The following SART3 variants were observed in gnomAD, a reference collection of about 807,000 sequenced individuals.
SART3 encodes the protein HIV-1 Tat-interacting protein of 110kDa.
In SART3, 44 loss-of-function variants were observed where a neutral mutation model predicts 122.3. That is an observed-to-expected ratio of 0.36 (90% CI 0.28 to 0.46). SART3 has a LOEUF of 0.46. Among genes scored for constraint, SART3 ranks in the 20% least tolerant of loss-of-function variants. The pLI is 1.00. For missense variants in SART3, 1,101 were observed against 1,229.0 expected, an observed-to-expected ratio of 0.90 and a Z score of 1.56; for synonymous variants, 442 against 454.0, an observed-to-expected ratio of 0.97 and a Z score of 0.34.
chr12:108,558,414 G>T (rs1451731802), intron 1 of SART3, among the ~76,000 whole-genome samples: 1 of 152,148 alleles, frequency 6.6e-6, no homozygotes, highest in East Asian at 1.9e-4. Context: ...CACTTGCCAG[G>T]TCCTATCCTG....
intron 15 of SART3, among the ~76,000 whole-genome samples, chr12:108,529,045 C>T (rs1872528202): frequency 6.6e-6 from 1 of 152,134 alleles, no homozygotes; most frequent in Non-Finnish European, 1.5e-5. Flanking sequence ...ATCACTTGAA[C>T]CCGGGAAGCG....
rs765356966 is a variant in SART3 at position 108,547,876 on chromosome 12, C to T, written c.544+11G>A. ...TTGCCAGATATCCAAAAAAAGTCCA[C>T]GGGAACTTACAAATGTAATCCTTCA... On this transcript the variant is annotated intron_variant, in intron 3 of 18. Coordinates refer to ENST00000546815, the MANE Select transcript of SART3 (RefSeq NM_014706.4). 5.2e-5 allele frequency: 84 copies of T among 1,604,904 alleles called. No individual in the cohort carries two copies. The highest frequency in any genetic ancestry group is 6.7e-5 in the Non-Finnish European group (78 of 1,172,622).
intron 8 of SART3, 145 bp downstream of exon 8, chr12:108,537,920 A>G: frequency 1.1e-6 from 1 of 933,352 alleles, no homozygotes; most frequent in South Asian, 1.4e-5. Context: ...TAACCAGTTC[A>G]TCTCTCACTC....
chr12:108,543,333 C>T (rs1248023261), intron 5 of SART3, among the ~76,000 whole-genome samples, 181 bp from the exon 6 acceptor site: 1 of 152,226 alleles, frequency 6.6e-6, no homozygotes, highest in Non-Finnish European at 1.5e-5. Flanking sequence ...TGTCTTAAAA[C>T]AATGTCCCAG....
chr12:108,557,206 G>GTTTTTTTTTTTTTT (rs71076787), intron 1 of SART3, among the ~76,000 whole-genome samples: 1 of 82,930 alleles, frequency 1.2e-5, no homozygotes, highest in African/African-American at 5.4e-5. Context: ...TAATGACATA[G>GTTTTTTTTTTTTTT]TTTTTTTTTT....
rs1273092906 is a variant in SART3, at chr12:108,560,937, G to A, written c.218C>T (p.Ala73Val). 3 of 1,613,938 alleles carry A rather than the reference G, an allele frequency of 1.9e-6. No individual in the cohort carries two copies. The highest frequency in any genetic ancestry group is 1.3e-5 in the African/African-American group (1 of 75,036). Reference sequence around the variant, plus strand: ...CCCGGGGGAGCTCTCCGCGGAGGAAGCCATGGCGTACTCATCCCCATCGCT... The same window carrying A: ...CCCGGGGGAGCTCTCCGCGGAGGAAACCATGGCGTACTCATCCCCATCGCT... ...SESDGDEYAMASSAESSPGEY... is the reference protein window; with the variant it reads ...SESDGDEYAMVSSAESSPGEY... The change falls in exon 1 of 19, where the codon GCT becomes GTT. Residue 73 changes from alanine (A) to valine (V), a missense_variant. Transcript: ENST00000546815.
At chr12:108,556,935 A>G (rs2030243478) in intron 1 of SART3, among the ~76,000 whole-genome samples, 1 of 152,262 alleles carries the variant, frequency 6.6e-6, no homozygotes, top group Non-Finnish European at 1.5e-5. Context: ...TGCCCCTCAC[A>G]TGAACACCAT....
intron 2 of SART3, 63 bp from the exon 3 acceptor site, chr12:108,548,054 C>A: frequency 7.4e-7 from 1 of 1,344,100 alleles, no homozygotes; most frequent in Non-Finnish European, 1.1e-6. Context: ...GGGACTTTAC[C>A]AAGAGACATC....
In SART3 at chr12:108,545,696, G is replaced by A. The variant is rs372279470; in HGVS notation, c.545-373C>T. 1.1e-4 allele frequency among the ~76,000 whole-genome samples: 16 copies of A among 152,248 alleles called. No homozygotes were observed. In the East Asian group the frequency reaches 2.7e-3, roughly 26 times the overall value. On this transcript the variant is annotated intron_variant, in intron 3 of 18. Coordinates refer to ENST00000546815, the MANE Select transcript of SART3 (RefSeq NM_014706.4). The stretch of plus-strand genomic sequence containing the variant: ...TTTAAAAACACATTTGGCCAGGTGC[G>A]GTGGCTCACGCCTGTAATCCCAGCA...
chr12:108,524,337 A>C lies in SART3; in HGVS notation c.2693T>G (p.Leu898Arg). 1 of 1,614,118 alleles carries C rather than the reference A, an allele frequency of 6.2e-7. No homozygotes were observed. The highest frequency in any genetic ancestry group is 1.3e-5 in the African/African-American group (1 of 75,056). Residue 898 changes from leucine to arginine, a missense_variant, in exon 18 of 19, where the codon CTT becomes CGT. Physicochemically the swap from Leu to Arg is moderately radical, Grantham distance 102. This residue lies in a region of SART3 where 885 missense variants were observed against 1,080.1 expected (regional missense o/e 0.82). Transcript: ENST00000546815. ...ETRKAPGGPMLLPQTYGARGK... is the reference protein window; with the variant it reads ...ETRKAPGGPMRLPQTYGARGK... ...TTACGCTCCGTATGTCTGCGGCAAA[A>C]GCATGGGGCCACCTGGTGCCTTCCT...
At position 108,545,316 on chromosome 12, in the gene SART3, G is replaced by A; in HGVS notation, c.552C>T (p.Asn184=). 2 of 1,614,098 alleles carry A rather than the reference G, an allele frequency of 1.2e-6. No homozygotes were observed. The highest frequency in any genetic ancestry group is 1.7e-6 in the Non-Finnish European group (2 of 1,179,974). The change falls in exon 4 of 19, where the codon AAC becomes AAT. Residue 184 remains asparagine (N), a synonymous_variant. Transcript: ENST00000546815. ...EKAVKDYICP[N]IWLEYGQYSV... ...AGTACTGGCCATACTCTAGCCAAAT[G>A]TTAGGACCTAAAAATAAGAAGTGTT... is the stretch of plus-strand genomic sequence containing the variant.
chr12:108,544,172 G>A (rs1009153581), intron 5 of SART3, among the ~76,000 whole-genome samples: 9 of 152,188 alleles, frequency 5.9e-5, no homozygotes, highest in Admixed American at 4.6e-4. Context: ...AGGTCTCAAA[G>A]GAGAAAAGAG....
Position 108,523,523 on chromosome 12 carries a change from G to A in SART3, c.2826C>T (p.Ala942=). 1 of 1,613,466 alleles carries A rather than the reference G, an allele frequency of 6.2e-7. No individual in the cohort carries two copies. The highest frequency in any genetic ancestry group is 1.8e-4 in the Middle Eastern group (1 of 5,660). ...NGPAAAPAVA[A]PAATEAPKMS... ...TCTTGGGTGCCTCGGTGGCTGCTGG[G>A]GCGGCAACTGCAGGAGCCGCGGCAG... The change falls in exon 19 of 19, where the codon GCC becomes GCT. Residue 942 remains alanine (A), a synonymous_variant. Transcript: ENST00000546815.
rs185518059 is a variant in SART3, at chr12:108,549,010, A to G, written c.439+78T>C. 85 of 1,596,880 alleles carry G rather than the reference A, an allele frequency of 5.3e-5. No homozygotes were observed. In the Middle Eastern group the frequency reaches 1.3e-3, roughly 25 times the overall value. The stretch of plus-strand genomic sequence containing the variant: ...ACGTTCCAGGTTTTCTACAAGGAGC[A>G]TGTCCCACTTTCAACATTGTAAAAA... On this transcript the variant is annotated intron_variant, in intron 2 of 18. Transcript: ENST00000546815.
At chr12:108,531,419 G>A (rs889150418) in intron 13 of SART3, 139 bp from the exon 14 acceptor site, 3 of 693,454 alleles carry the variant, frequency 4.3e-6, no homozygotes, top group African/African-American at 3.6e-5. Flanking sequence ...CTGTAGGCTT[G>A]AAGTTCAGAA....
chr12:108,546,137 T>C (rs189860664), intron 3 of SART3, among the ~76,000 whole-genome samples: 1 of 152,286 alleles, frequency 6.6e-6, no homozygotes, highest in East Asian at 1.9e-4. Context: ...GTAGCAATGC[T>C]TCTCACAGGG....
chr12:108,536,790 C>A lies in SART3; in HGVS notation c.1310-5G>T, dbSNP rs77887261. The A allele has an allele frequency of 6.2e-7, 1 of 1,613,266 alleles. No individual in the cohort carries two copies. The highest frequency in any genetic ancestry group is 1.1e-5 in the South Asian group (1 of 91,032). On this transcript the variant is annotated splice_polypyrimidine_tract_variant and splice_region_variant and intron_variant, in intron 9 of 18. Transcript: ENST00000546815. ...CCTCCAGCTCTTTACTGGAGTCTAA[C>A]GGAAAGTGCAAAAAAAGGCTTTAGG... is the stretch of plus-strand genomic sequence containing the variant.
At position 108,546,337 on chromosome 12, in the gene SART3, C is replaced by T. The variant is rs942757053; in HGVS notation, c.545-1014G>A. Among the ~76,000 whole-genome samples the T allele has an allele frequency of 6.0e-5, 9 of 151,082 alleles. 1 individual carries two copies. The East Asian group carries it at 1.8e-3, about 30-fold the overall frequency. ...GCCTCAGCCTCCCAAGTAGCTGGGA[C>T]AACAGGAGCATGCCACCACGCCTAG... On this transcript the variant is annotated intron_variant, in intron 3 of 18. Coordinates refer to ENST00000546815, the MANE Select transcript of SART3 (RefSeq NM_014706.4).
In SART3 at chr12:108,548,009, T is replaced by A. The variant is rs778517442; in HGVS notation, c.440-18A>T. On this transcript the variant is annotated intron_variant, in intron 2 of 18. Coordinates refer to ENST00000546815, the MANE Select transcript of SART3 (RefSeq NM_014706.4). Reference sequence around the variant, plus strand: ...CCAGAGCTCTACGAGACAAAAATACTTCCCGCATTAATACCAAAGGGTAGG... The same window carrying A: ...CCAGAGCTCTACGAGACAAAAATACATCCCGCATTAATACCAAAGGGTAGG... The A allele has an allele frequency of 6.2e-7, 1 of 1,602,844 alleles. No homozygotes were observed. The highest frequency in any genetic ancestry group is 2.2e-5 in the East Asian group (1 of 44,840).
Sources: gnomAD v4.1 joint callset for allele counts (sites outside exome capture counted in the v4.1 genomes callset) on GRCh38, gnomAD v4.1.1 for gene constraint, gnomAD v4.1.1 regional missense constraint, MANE v1.5 for transcripts, NCBI Gene and HGNC (gene_info 2026-07-23, HGNC 2026-07-21) for gene names.